SORCS1: variants seen among roughly 807,000 people sequenced by gnomAD.
The protein encoded by SORCS1 is sortilin related VPS10 domain containing receptor 1.
A neutral mutation model predicts 146.1 loss-of-function variants in SORCS1; 60 were observed. That is an observed-to-expected ratio of 0.41 (90% CI 0.33 to 0.51). The LOEUF (loss-of-function observed/expected upper bound fraction) is 0.51, where lower values mean the gene tolerates loss of function less well. SORCS1 is among the 20% of genes least tolerant of loss of function. The pLI is 0.21. For missense variants in SORCS1, 1,352 were observed against 1,487.6 expected (o/e 0.91, Z 1.50); for synonymous variants, 637 against 584.0 (o/e 1.09, Z -1.31).
chr10:106,843,753 G>C (rs1210716211), intron 2 of SORCS1, among the ~76,000 whole-genome samples: 4 of 152,062 alleles, frequency 2.6e-5, no homozygotes, highest in African/African-American at 9.7e-5. Context: ...CTTTTTCTAA[G>C]GTTGAATCAT....
chr10:106,823,164 A>C (rs1358611105), intron 3 of SORCS1, among the ~76,000 whole-genome samples: 1 of 152,148 alleles, frequency 6.6e-6, no homozygotes, highest in Non-Finnish European at 1.5e-5. Context: ...GTGACAGATG[A>C]AAGAGTTAAG....
At chr10:106,726,185 C>CTTTTT (rs1169402270) in intron 6 of SORCS1, among the ~76,000 whole-genome samples, 6 of 66,294 alleles carry the variant, frequency 9.1e-5, no homozygotes, top group East Asian at 4.9e-4. Flanking sequence ...CTTTCCCTCT[C>CTTTTT]TTTTTTTTTT....
chr10:106,577,285 C>T lies in SORCS1; in HGVS notation c.*135G>A, dbSNP rs1844624824. ...ATTCTCAGCAACTATGGAAATACTT[C>T]CTGGCAAAATAGGAAACAGAACAAC... On this transcript the variant is annotated 3_prime_UTR_variant, in exon 26 of 26. Coordinates refer to ENST00000263054, the MANE Select transcript of SORCS1 (RefSeq NM_052918.5). 5 of 1,607,056 alleles carry T rather than the reference C, an allele frequency of 3.1e-6. No individual in the cohort carries two copies. In the Admixed American group the frequency reaches 5.0e-5, roughly 16 times the overall value.
chr10:106,999,432 A>G (rs1379344593), intron 1 of SORCS1, among the ~76,000 whole-genome samples: 1 of 152,256 alleles, frequency 6.6e-6, no homozygotes. Flanking sequence ...TCAGAGCCAC[A>G]TCAAAAAGTG....
chr10:106,821,795 G>A (rs562193138), intron 3 of SORCS1, among the ~76,000 whole-genome samples: 55 of 152,050 alleles, frequency 3.6e-4, no homozygotes, highest in African/African-American at 1.1e-3. Flanking sequence ...GTTGGTGGGC[G>A]CCTGTAGTCC....
At position 106,742,134 on chromosome 10, in the gene SORCS1, T is replaced by G. The variant is rs184890477; in HGVS notation, c.960-12020A>C. On this transcript the variant is annotated intron_variant, in intron 5 of 25. Coordinates refer to ENST00000263054, the MANE Select transcript of SORCS1 (RefSeq NM_052918.5). The stretch of plus-strand genomic sequence containing the variant: ...GAATTGGGTTAGATATAGGAGGAAA[T>G]TAGATTGATCTTCATTGGAGAGGCA... Among the ~76,000 whole-genome samples, 182 of 152,222 alleles carry G rather than the reference T, an allele frequency of 1.2e-3. 1 individual carries two copies. The highest frequency in any genetic ancestry group is 4.3e-3 in the Admixed American group (66 of 15,288).
At chr10:106,955,808 T>C (rs961667709) in intron 2 of SORCS1, among the ~76,000 whole-genome samples, 2 of 151,810 alleles carry the variant, frequency 1.3e-5, no homozygotes, top group Admixed American at 1.3e-4. Flanking sequence ...CTCACCAACA[T>C]GGAGAAACCA....
At chr10:106,771,453 G>T (rs1324064797) in intron 4 of SORCS1, among the ~76,000 whole-genome samples, 1 of 152,182 alleles carries the variant, frequency 6.6e-6, no homozygotes, top group Non-Finnish European at 1.5e-5. Context: ...CTGTATTGAG[G>T]CAAGAAAGTC....
chr10:106,600,360 C>T lies in SORCS1; in HGVS notation c.3166-2910G>A, dbSNP rs530351400. ...AAGTACGTTTCATATATTTAACTTG[C>T]ATCAAAGGACATTCAACAATGAACA... On this transcript the variant is annotated intron_variant, in intron 23 of 25. Coordinates refer to ENST00000263054, the MANE Select transcript of SORCS1 (RefSeq NM_052918.5). 3.1e-5 allele frequency: 30 copies of T among 975,736 alleles called. 1 individual carries two copies. The African/African-American group carries it at 4.9e-4, about 16-fold the overall frequency. 60.4% of individuals were successfully genotyped at this position (975,736 alleles called of 1,614,324 possible). A position where few individuals can be genotyped will look rare whatever the true frequency, so the allele number is the denominator to read the frequency against.
chr10:107,174,588 A>T, the SORCS1 span, among the ~76,000 whole-genome samples: 1 of 152,064 alleles, frequency 6.6e-6, no homozygotes, highest in East Asian at 1.9e-4. Flanking sequence ...TTAATTTTTA[A>T]TTGATTATTG....
At chr10:106,851,243 G>A (rs1225883245) in intron 2 of SORCS1, among the ~76,000 whole-genome samples, 1 of 151,992 alleles carries the variant, frequency 6.6e-6, no homozygotes, top group African/African-American at 2.4e-5. Context: ...TTGTGACTTT[G>A]GTCTTGTATG....
chr10:106,768,735 A>G (rs1367550390), intron 4 of SORCS1, among the ~76,000 whole-genome samples: 1 of 152,228 alleles, frequency 6.6e-6, no homozygotes, highest in Non-Finnish European at 1.5e-5. Context: ...GGGATAAGAC[A>G]GCCTCTGCCT....
chr10:106,926,847 A>G (rs893543522), intron 2 of SORCS1, among the ~76,000 whole-genome samples: 1 of 133,668 alleles, frequency 7.5e-6, no homozygotes, highest in Non-Finnish European at 1.5e-5. Flanking sequence ...ACACACACAC[A>G]CACACACACA....
At chr10:107,065,510 C>CTCCTCTCCTCTT (rs71025577) in intron 1 of SORCS1, among the ~76,000 whole-genome samples, 1 of 86,360 alleles carries the variant, frequency 1.2e-5, no homozygotes, top group Non-Finnish European at 2.3e-5. Context: ...CTCCTCTCCT[C>CTCCTCTCCTCTT]TCTTTCTTTC....
At chr10:106,887,533 C>T (rs555975850) in intron 2 of SORCS1, among the ~76,000 whole-genome samples, 9 of 152,070 alleles carry the variant, frequency 5.9e-5, no homozygotes, top group Middle Eastern at 3.4e-3. Context: ...GCGGAGATCA[C>T]GCCACTCTAC....
chr10:106,994,911 G>A (rs80089659), intron 1 of SORCS1, among the ~76,000 whole-genome samples: 5,707 of 152,208 alleles, frequency 0.037, 378 homozygotes, highest in African/African-American at 0.13. Context: ...GAATCTATCC[G>A]TTTCCTCATA....
chr10:107,031,155 A>C (rs1958633823), intron 1 of SORCS1, among the ~76,000 whole-genome samples: 1 of 152,242 alleles, frequency 6.6e-6, no homozygotes, highest in African/African-American at 2.4e-5. Flanking sequence ...GAAGTTTCTC[A>C]TCTTGGTTTG....
intron 2 of SORCS1, among the ~76,000 whole-genome samples, chr10:106,911,928 T>C (rs976413004): frequency 4.0e-5 from 6 of 151,878 alleles, no homozygotes; most frequent in Non-Finnish European, 5.9e-5. Flanking sequence ...CTGGCTAACA[T>C]GGAGAAACCC....
the SORCS1 span, among the ~76,000 whole-genome samples, chr10:107,172,094 T>G: frequency 1.3e-5 from 2 of 152,182 alleles, no homozygotes; most frequent in Non-Finnish European, 2.9e-5. Context: ...TAAACTGGTA[T>G]TTTATGCCTG....
Sources: gnomAD v4.1 joint callset for allele counts (sites outside exome capture counted in the v4.1 genomes callset) on GRCh38, gnomAD v4.1.1 for gene constraint, MANE v1.5 for transcripts, NCBI Gene and HGNC (gene_info 2026-07-23, HGNC 2026-07-21) for gene names.